The following LRRK2 variants were observed in gnomAD, a reference collection of about 807,000 sequenced individuals.
LRRK2 encodes leucine rich repeat kinase 2.
In LRRK2, 203 loss-of-function variants were observed where a neutral mutation model predicts 302.6. The ratio of observed to expected loss-of-function variants is 0.67; its 90% CI spans 0.60 to 0.75. LRRK2 has a LOEUF of 0.75. LRRK2 is among the 30% of genes least tolerant of loss of function. The pLI, the probability that LRRK2 is intolerant of heterozygous loss-of-function variation, is 0.00. For synonymous variants in LRRK2, 1,066 were observed against 1,031.9 expected, an observed-to-expected ratio of 1.03 and a Z score of -0.63; for missense variants, 2,830 against 2,951.0, an observed-to-expected ratio of 0.96 and a Z score of 0.95.
chr12:40,227,621 C>T (rs1033134000), intron 2 of LRRK2, among the ~76,000 whole-genome samples: 1 of 152,208 alleles, frequency 6.6e-6, no homozygotes, highest in Non-Finnish European at 1.5e-5. Flanking sequence ...CATGCTGTTG[C>T]AAATGACAGG....
intron 7 of LRRK2, among the ~76,000 whole-genome samples, chr12:40,249,028 A>G (rs1186343383): frequency 2.0e-5 from 3 of 152,160 alleles, no homozygotes; most frequent in African/African-American, 7.2e-5. Context: ...TTTGGGCTTT[A>G]GGTTTTTTAT....
At chr12:40,327,812 A>G (rs1592294129) in intron 38 of LRRK2, among the ~76,000 whole-genome samples, 1 of 152,220 alleles carries the variant, frequency 6.6e-6, no homozygotes, top group African/African-American at 2.4e-5. Flanking sequence ...TACACAGTGG[A>G]CTGCCACTGT....
chr12:40,279,342 G>T (rs73108357), intron 18 of LRRK2, among the ~76,000 whole-genome samples: 1,816 of 151,440 alleles, frequency 0.012, 51 homozygotes, highest in African/African-American at 0.039. Context: ...AACATAAAAA[G>T]AAAAAGAATT....
chr12:40,325,265 C>A (rs541618183), intron 38 of LRRK2, among the ~76,000 whole-genome samples: 10 of 152,084 alleles, frequency 6.6e-5, no homozygotes, highest in Non-Finnish European at 1.2e-4. Flanking sequence ...CCAGCCTAGG[C>A]GACAGAGCGT....
rs564015004 is a variant in LRRK2, at chr12:40,338,269, G to A, written c.5949-2025G>A. Among the ~76,000 whole-genome samples the A allele has an allele frequency of 1.8e-4, 27 of 152,276 alleles. No homozygotes were observed. In the South Asian group the frequency reaches 4.1e-3, roughly 23 times the overall value. On this transcript the variant is annotated intron_variant, in intron 40 of 50. Transcript: ENST00000298910. ...TCTGGATTGTGACACCCTCAAGGGA[G>A]CAGAGATACAAAGATGGCTTTGTAT...
At chr12:40,302,723 A>G in intron 25 of LRRK2, 66 bp from the exon 26 acceptor site, 1 of 1,130,004 alleles carries the variant, frequency 8.8e-7, no homozygotes. Context: ...AGCTGTTCTT[A>G]TTTTTGAATT....
chr12:40,287,543 T>C lies in LRRK2; in HGVS notation c.2689+4T>C. The C allele has an allele frequency of 6.2e-7, 1 of 1,608,956 alleles. No individual in the cohort carries two copies. The highest frequency in any genetic ancestry group is 8.5e-7 in the Non-Finnish European group (1 of 1,178,016). ...AGTGATGACCTGGATAGTGAAGGTA[T>C]TTATTATAAAAAAAAACCCTTTATG... On this transcript the variant is annotated splice_donor_region_variant and intron_variant, in intron 20 of 50. Transcript: ENST00000298910.
chr12:40,234,694 T>C (rs748306722), intron 3 of LRRK2, among the ~76,000 whole-genome samples: 1 of 152,146 alleles, frequency 6.6e-6, no homozygotes. Context: ...TTTTAATATA[T>C]CATTAATTTC....
In LRRK2 at chr12:40,232,245, A is replaced by G. The variant is rs2136395699; in HGVS notation, c.238-29A>G. On this transcript the variant is annotated intron_variant, in intron 2 of 50. Coordinates refer to ENST00000298910, the MANE Select transcript of LRRK2 (RefSeq NM_198578.4). ...ATGCTCTATTAACATTCTTTAAAAC[A>G]TGTGAATATATGTCTTTCTTGTTTT... 3 of 1,488,854 alleles carry G rather than the reference A, an allele frequency of 2.0e-6. No individual in the cohort carries two copies. The East Asian group carries it at 6.8e-5, about 34-fold the overall frequency. The allele number at this position is 1,488,854 out of a possible 1,614,324, so 92.2% of individuals were successfully genotyped here. A position where few individuals can be genotyped will look rare whatever the true frequency, so the allele number is the denominator to read the frequency against.
intron 33 of LRRK2, among the ~76,000 whole-genome samples, chr12:40,318,586 G>C (rs1464332082): frequency 1.3e-5 from 2 of 152,014 alleles, no homozygotes; most frequent in African/African-American, 2.4e-5. Context: ...GGTAGAGTTA[G>C]AATTTCAAAC....
At chr12:40,267,405 G>A (rs559549913) in intron 14 of LRRK2, among the ~76,000 whole-genome samples, 1 of 152,306 alleles carries the variant, frequency 6.6e-6, no homozygotes, top group South Asian at 2.1e-4. Flanking sequence ...ACGTAGAGGA[G>A]GGAACAGTTA....
At chr12:40,231,436 G>A (rs1941181355) in intron 2 of LRRK2, among the ~76,000 whole-genome samples, 1 of 147,614 alleles carries the variant, frequency 6.8e-6, no homozygotes, top group African/African-American at 2.5e-5. Flanking sequence ...GCACATACCT[G>A]TAGTCCCAGC....
Position 40,320,110 on chromosome 12 carries a change from T to A in LRRK2, c.4950T>A (p.Phe1650Leu). The A allele has an allele frequency of 6.2e-7, 1 of 1,611,998 alleles. No homozygotes were observed. Among genetic ancestry groups the A allele is most frequent in the Non-Finnish European group, 8.5e-7 (1 of 1,178,904 alleles). ...CAAAGAACTACATGTCACAGTATTT[T>A]AAGCTCCTAGAAAAATTCCAGATTG... Reference protein sequence around the residue: ...KFPKNYMSQYFKLLEKFQIAL... With the variant: ...KFPKNYMSQYLKLLEKFQIAL... The change falls in exon 34 of 51, where the codon TTT (phenylalanine) becomes TTA (leucine). Residue 1650 changes from phenylalanine (F) to leucine (L), a missense_variant. Coordinates refer to ENST00000298910, the MANE Select transcript of LRRK2 (RefSeq NM_198578.4).
At chr12:40,330,864 G>C (rs1225517634) in intron 39 of LRRK2, among the ~76,000 whole-genome samples, 1 of 152,060 alleles carries the variant, frequency 6.6e-6, no homozygotes, top group Admixed American at 6.6e-5. Flanking sequence ...TCTCTTACAG[G>C]TTTCTAATAT....
chr12:40,342,001 T>C (rs1318673268), intron 41 of LRRK2, among the ~76,000 whole-genome samples: 1 of 152,232 alleles, frequency 6.6e-6, no homozygotes, highest in African/African-American at 2.4e-5. Flanking sequence ...TGATTTTCTC[T>C]TGAAAGATCT....
At chr12:40,269,949 T>C (rs1943166677) in intron 14 of LRRK2, among the ~76,000 whole-genome samples, 1 of 152,160 alleles carries the variant, frequency 6.6e-6, no homozygotes, top group Admixed American at 6.6e-5. Flanking sequence ...AGTTTGTGGT[T>C]CCTGGAATTA....
At chr12:40,303,290 C>T (rs946715869) in intron 26 of LRRK2, among the ~76,000 whole-genome samples, 2 of 151,960 alleles carry the variant, frequency 1.3e-5, no homozygotes, top group East Asian at 1.9e-4. Context: ...TATGTAGTTC[C>T]AGGTTTTTGA....
rs17520620 is a variant in LRRK2 at position 40,362,487 on chromosome 12, G to A, written c.7029-915G>A. ...TTATCTGTGCAACTGTTTACTGGAC[G>A]AGGGGTATGTAGAAAATACATTGTC... On this transcript the variant is annotated intron_variant, in intron 47 of 50. Coordinates refer to ENST00000298910, the MANE Select transcript of LRRK2 (RefSeq NM_198578.4). Among the ~76,000 whole-genome samples, 1,465 of 152,094 alleles carry A rather than the reference G, an allele frequency of 9.6e-3. 30 individuals are homozygous for A. Among genetic ancestry groups the A allele is most frequent in the African/African-American group, 0.034 (1,394 of 41,520 alleles).
intron 45 of LRRK2, among the ~76,000 whole-genome samples, chr12:40,355,180 A>G (rs1592333292): frequency 1.3e-5 from 2 of 151,480 alleles, no homozygotes; most frequent in East Asian, 1.9e-4. Flanking sequence ...TACCTGAAAT[A>G]TCAACTCCAC....
Sources: gnomAD v4.1 joint callset for allele counts (sites outside exome capture counted in the v4.1 genomes callset) on GRCh38, gnomAD v4.1.1 for gene constraint, MANE v1.5 for transcripts, NCBI Gene and HGNC (gene_info 2026-07-23, HGNC 2026-07-21) for gene names.